The following DNAH11 variants were observed in gnomAD, a reference collection of about 807,000 sequenced individuals.
DNAH11 encodes dynein axonemal heavy chain 11.
DNAH11 carries 442 observed loss-of-function variants against 526.0 expected under a neutral mutation model. That is an observed-to-expected ratio of 0.84 (90% CI 0.78 to 0.91). DNAH11 has a LOEUF of 0.91. Ranked by LOEUF, DNAH11 falls within the 40% of genes least tolerant of loss-of-function variation. DNAH11 has a pLI of 0.00. For synonymous variants in DNAH11, 2,461 were observed against 1,935.9 expected, an observed-to-expected ratio of 1.27 and a Z score of -7.12; for missense variants, 6,989 against 5,448.7, an observed-to-expected ratio of 1.28 and a Z score of -8.90.
intron 65 of DNAH11, among the ~76,000 whole-genome samples, chr7:21,826,505 A>C (rs1236637657): frequency 2.0e-5 from 3 of 152,196 alleles, no homozygotes; most frequent in African/African-American, 7.2e-5. Context: ...AGAACAGAAA[A>C]TTTTTGAAAA....
intron 65 of DNAH11, among the ~76,000 whole-genome samples, chr7:21,823,179 AT>A (rs1174820489): frequency 6.6e-6 from 1 of 151,868 alleles, no homozygotes; most frequent in Non-Finnish European, 1.5e-5. Context: ...TTGAGGTCTT[AT>A]CCCCAAAATC....
At chr7:21,702,263 A>T (rs1241394403) in intron 36 of DNAH11, among the ~76,000 whole-genome samples, 1 of 152,140 alleles carries the variant, frequency 6.6e-6, no homozygotes, top group African/African-American at 2.4e-5. Context: ...GAAGTATCTG[A>T]TTAAGAGGTG....
intron 25 of DNAH11, among the ~76,000 whole-genome samples, chr7:21,631,953 C>T (rs754980925): frequency 5.3e-5 from 8 of 152,212 alleles, no homozygotes; most frequent in South Asian, 2.1e-4. Context: ...TCCATGAGGA[C>T]GCTGCCGCTG....
At chr7:21,763,350 A>AAAAAAAAAAG (rs1562531776) in intron 54 of DNAH11, among the ~76,000 whole-genome samples, 1 of 69,104 alleles carries the variant, frequency 1.4e-5, no homozygotes, top group South Asian at 4.7e-4. Context: ...AAAAAAAAAA[A>AAAAAAAAAAG]AAAAAAGAAA....
chr7:21,820,042 A>C (rs1789988998), intron 65 of DNAH11, among the ~76,000 whole-genome samples: 1 of 152,256 alleles, frequency 6.6e-6, no homozygotes, highest in South Asian at 2.1e-4. Flanking sequence ...TGTGGGAACA[A>C]CCACTTGTTT....
intron 75 of DNAH11, among the ~76,000 whole-genome samples, chr7:21,883,722 C>A (rs1470409923): frequency 1.3e-5 from 2 of 152,160 alleles, no homozygotes; most frequent in African/African-American, 4.8e-5. Flanking sequence ...CAAACATGTT[C>A]TAGGGATGAC....
At chr7:21,602,217 G>C (rs1021654347) in intron 18 of DNAH11, among the ~76,000 whole-genome samples, 9 of 152,132 alleles carry the variant, frequency 5.9e-5, no homozygotes, top group Admixed American at 3.9e-4. Context: ...GCACGCACCT[G>C]TAGTCCACCT....
At chr7:21,845,449 C>T (rs896260993) in intron 66 of DNAH11, among the ~76,000 whole-genome samples, 2 of 151,838 alleles carry the variant, frequency 1.3e-5, no homozygotes. Context: ...GTCTCAGCAC[C>T]GTTTGTTGAA....
rs896899684 is a variant in DNAH11 at position 21,572,795 on chromosome 7, A to G, written c.1593+822A>G. Among the ~76,000 whole-genome samples the G allele has an allele frequency of 2.6e-5, 4 of 152,238 alleles. No homozygotes were observed. In the East Asian group the frequency reaches 5.8e-4, roughly 22 times the overall value. ...AGTTTTGGAAAGTGGAGTTAATGGT[A>G]GAAGGACACTGCTGTAATAGGTGAC... On this transcript the variant is annotated intron_variant, in intron 8 of 81. Transcript: ENST00000409508.
At chr7:21,779,224 A>G in intron 57 of DNAH11, 120 bp downstream of exon 57, 1 of 1,245,290 alleles carries the variant, frequency 8.0e-7, no homozygotes, top group South Asian at 1.8e-5. Flanking sequence ...GAATTATTAT[A>G]GTTACACATG....
intron 25 of DNAH11, among the ~76,000 whole-genome samples, chr7:21,632,170 C>T (rs149324346): frequency 0.015 from 2,315 of 152,290 alleles, 56 homozygotes; most frequent in South Asian, 0.066. Flanking sequence ...GGCTGGGATG[C>T]AGGGCACCAA....
chr7:21,687,385 A>G lies in DNAH11; in HGVS notation c.5782A>G (p.Ile1928Val), dbSNP rs901970486. ...AGTGCCTCACTTTATCATTTAGTCC[A>G]TAGGCAATATCTATAAGGGATTGGT... is the stretch of plus-strand genomic sequence containing the variant. ...NCSEQMDYKS[I>V]GNIYKGLVQT... Residue 1928 changes from isoleucine (I) to valine (V), a missense_variant, in exon 34 of 82, where the codon ATA (isoleucine) becomes GTA (valine). By Grantham distance (29) the Ile-to-Val change is conservative. Coordinates refer to ENST00000409508, the MANE Select transcript of DNAH11 (RefSeq NM_001277115.2). 4.3e-6 allele frequency: 7 copies of G among 1,609,372 alleles called. No individual in the cohort carries two copies. The Middle Eastern group carries it at 5.0e-4, about 114-fold the overall frequency.
intron 48 of DNAH11, among the ~76,000 whole-genome samples, chr7:21,740,257 A>G (rs1785819933): frequency 1.3e-5 from 2 of 152,074 alleles, no homozygotes; most frequent in Non-Finnish European, 2.9e-5. Context: ...CACATTAACC[A>G]TTTCAAGTGT....
chr7:21,636,025 G>A lies in DNAH11; in HGVS notation c.4655G>A (p.Cys1552Tyr). The A allele has an allele frequency of 6.2e-7, 1 of 1,613,648 alleles. No homozygotes were observed. Among genetic ancestry groups the A allele is most frequent in the East Asian group, 2.2e-5 (1 of 44,862 alleles). Residue 1552 changes from cysteine to tyrosine, a missense_variant, in exon 26 of 82, where the codon TGT becomes TAT. Transcript: ENST00000409508. ...TCTCACCTGGAAAGCATTTTTGTCT[G>A]TTCAGAAGATATTCGAATCCAGCTT... The part of the protein sequence containing the change: ...TWSHLESIFV[C>Y]SEDIRIQLVK...
At position 21,591,573 on chromosome 7, in the gene DNAH11, T is replaced by A; in HGVS notation, c.2663T>A (p.Val888Asp). The change falls in exon 14 of 82, where the codon GTC (valine) becomes GAC (aspartate). Residue 888 changes from valine (V) to aspartate (D), a missense_variant. By Grantham distance (152) the Val-to-Asp change is radical. Transcript: ENST00000409508. ...GATGGCTGCAAGATCCACAACTTGGTCGAGGTAATGGCTTTTAACCTTTCA... is the reference window on the plus strand; with the variant it reads ...GATGGCTGCAAGATCCACAACTTGGACGAGGTAATGGCTTTTAACCTTTCA... Reference protein sequence around the residue: ...QGDGCKIHNLVEENRKLFKAN... With the variant: ...QGDGCKIHNLDEENRKLFKAN... 1.3e-6 allele frequency: 2 copies of A among 1,558,726 alleles called. No homozygotes were observed. The highest frequency in any genetic ancestry group is 1.7e-6 in the Non-Finnish European group (2 of 1,149,488).
At chr7:21,660,761 G>A (rs961110674) in intron 30 of DNAH11, among the ~76,000 whole-genome samples, 1 of 151,792 alleles carries the variant, frequency 6.6e-6, no homozygotes, top group African/African-American at 2.4e-5. Context: ...TTATATATAA[G>A]TGTAATTATT....
intron 56 of DNAH11, among the ~76,000 whole-genome samples, chr7:21,776,942 G>T (rs1018340069): frequency 7.3e-6 from 1 of 136,912 alleles, no homozygotes; most frequent in Non-Finnish European, 1.6e-5. Flanking sequence ...GTACGTGTGT[G>T]TGTGTGTGTG....
chr7:21,543,350 C>A lies in DNAH11; in HGVS notation c.105C>A (p.Leu35=). ...AGLEAVGAVE[L]EEEEENEEEA... is the part of the protein sequence containing the mutation. ...TGGAGGCAGTGGGCGCTGTGGAGCT[C>A]GAGGAGGAGGAGGAGAACGAGGAGG... is the stretch of plus-strand genomic sequence containing the variant. The change falls in exon 1 of 82, where the codon CTC becomes CTA. Residue 35 remains leucine, a synonymous_variant. Coordinates refer to ENST00000409508, the MANE Select transcript of DNAH11 (RefSeq NM_001277115.2). 1.3e-6 allele frequency: 2 copies of A among 1,517,362 alleles called. No homozygotes were observed. Among genetic ancestry groups the A allele is most frequent in the African/African-American group, 2.8e-5 (2 of 72,372 alleles). 94.0% of individuals were successfully genotyped at this position (1,517,362 alleles called of 1,614,324 possible).
At position 21,899,366 on chromosome 7, in the gene DNAH11, A is replaced by G; in HGVS notation, c.13080A>G (p.Glu4360=). 1 of 1,613,900 alleles carries G rather than the reference A, an allele frequency of 6.2e-7. No homozygotes were observed. The highest frequency in any genetic ancestry group is 8.5e-7 in the Non-Finnish European group (1 of 1,179,840). Reference sequence around the variant, plus strand: ...ATGACCTCCTCCTGCGATGCCGAGAACTCGATACTTGGACACAAGACCTTA... The same window carrying G: ...ATGACCTCCTCCTGCGATGCCGAGAGCTCGATACTTGGACACAAGACCTTA... ...WFNDLLLRCR[E]LDTWTQDLTL... is the part of the protein sequence containing the mutation. The change falls in exon 80 of 82, where the codon GAA becomes GAG. Residue 4360 remains glutamate, a synonymous_variant. Transcript: ENST00000409508.
Sources: gnomAD v4.1 joint callset for allele counts (sites outside exome capture counted in the v4.1 genomes callset) on GRCh38, gnomAD v4.1.1 for gene constraint, MANE v1.5 for transcripts, NCBI Gene and HGNC (gene_info 2026-07-23, HGNC 2026-07-21) for gene names.